KCTD2: variants seen among roughly 807,000 people sequenced by gnomAD.
The protein encoded by KCTD2 is BTB/POZ domain-containing protein KCTD2.
Under a neutral mutation model 27.9 loss-of-function variants are expected in KCTD2, and 18 were observed. That is an observed-to-expected ratio of 0.64 (90% confidence interval 0.45 to 0.96). The LOEUF (loss-of-function observed/expected upper bound fraction) is 0.96. KCTD2 is among the 40% of genes least tolerant of loss of function. The pLI is 0.00. For missense variants in KCTD2, 280 were observed against 348.0 expected (o/e 0.80, Z 1.56); for synonymous variants, 175 against 148.4 (o/e 1.18, Z -1.30).
rs1719610798 is a variant in KCTD2 at position 75,033,261 on chromosome 17, G to A, written c.-470+537G>A. Among the ~76,000 whole-genome samples, 3 of 152,234 alleles carry A rather than the reference G, an allele frequency of 2.0e-5. No homozygotes were observed. In the South Asian group the frequency reaches 6.2e-4, roughly 32 times the overall value. The stretch of plus-strand genomic sequence containing the variant: ...TGGGATGCTGGGATTACAGGCGTGA[G>A]CCACCGCACCCGGTCTGTAGCCTTT... On this transcript the variant is annotated intron_variant, in intron 1 of 7. Transcript: ENST00000581589.
chr17:75,035,165 G>A (rs1349030339), intron 2 of KCTD2: 7 of 152,208 alleles, frequency 4.6e-5, no homozygotes, highest in African/African-American at 7.2e-5. Flanking sequence ...AAGATTGAGG[G>A]TTCGAGTCCC....
intron 3 of KCTD2, chr17:75,040,171 C>T (rs1329268585): frequency 1.2e-6 from 2 of 1,611,256 alleles, no homozygotes; most frequent in Non-Finnish European, 1.7e-6. Context: ...AAACTACAAA[C>T]ACAAGGGCAC....
intron 3 of KCTD2, among the ~76,000 whole-genome samples, chr17:75,037,718 G>GT (rs2073117637): frequency 6.6e-6 from 1 of 152,140 alleles, no homozygotes; most frequent in Non-Finnish European, 1.5e-5. Context: ...GCTAACCATA[G>GT]TAAATAGTGG....
intron 1 of KCTD2, among the ~76,000 whole-genome samples, chr17:75,033,635 C>G (rs771729863): frequency 6.6e-6 from 1 of 152,220 alleles, no homozygotes; most frequent in Non-Finnish European, 1.5e-5. Flanking sequence ...AAACCTCAGT[C>G]TTCATACCCC....
At chr17:75,042,317 G>C (rs1263582608), upstream of KCTD2, 4 of 1,599,436 alleles carry the variant, frequency 2.5e-6, no homozygotes, top group South Asian at 4.5e-5. Context: ...TTGTTCATAA[G>C]CAGTAGAAAA....
At chr17:75,061,313 T>C (rs2073402097) in intron 4 of KCTD2, among the ~76,000 whole-genome samples, 1 of 152,210 alleles carries the variant, frequency 6.6e-6, no homozygotes, top group South Asian at 2.1e-4. Context: ...ATTTCCTCTT[T>C]AGAATTAAAT....
At chr17:75,051,646 A>G (rs1297245872) in intron 2 of KCTD2, among the ~76,000 whole-genome samples, 1 of 145,810 alleles carries the variant, frequency 6.9e-6, no homozygotes, top group African/African-American at 2.6e-5. Context: ...CCCTACCCCC[A>G]TCCTCTTGCC....
intron 1 of KCTD2, among the ~76,000 whole-genome samples, chr17:75,048,236 G>A (rs931959956): frequency 6.6e-6 from 1 of 152,152 alleles, no homozygotes; most frequent in Admixed American, 6.5e-5. Flanking sequence ...AAATTTTCCC[G>A]GGAAAATTTT....
At chr17:75,042,434 A>C (rs1159678185), upstream of KCTD2, 9 of 1,543,168 alleles carry the variant, frequency 5.8e-6, no homozygotes, top group Non-Finnish European at 7.9e-6. Flanking sequence ...ATATGTTGTC[A>C]TAAGGGCATC....
chr17:75,045,548 C>A (rs1016293867), upstream of KCTD2, among the ~76,000 whole-genome samples: 4 of 152,238 alleles, frequency 2.6e-5, no homozygotes, highest in African/African-American at 9.6e-5. Context: ...CATTCTCTTT[C>A]TCAGGGATAT....
intron 2 of KCTD2, chr17:75,035,109 C>G (rs574827273): frequency 1.3e-5 from 2 of 152,192 alleles, no homozygotes; most frequent in East Asian, 2.0e-4. Flanking sequence ...TAGCTGCAGC[C>G]GGAGACCGCG....
At chr17:75,044,772 A>G (rs1303940806), upstream of KCTD2, among the ~76,000 whole-genome samples, 1 of 152,232 alleles carries the variant, frequency 6.6e-6, no homozygotes, top group East Asian at 1.9e-4. Context: ...CAGATATTAA[A>G]AGACTGCAAA....
intron 3 of KCTD2, chr17:75,041,351 A>G (rs1342838552): frequency 2.2e-5 from 3 of 133,710 alleles, no homozygotes; most frequent in Non-Finnish European, 4.8e-5. Context: ...TGAGACTCCA[A>G]CTCAAAAAAA....
rs537653436 is a variant in KCTD2 at position 75,064,930 on chromosome 17, G to A, written c.*1883G>A. On this transcript the variant is annotated 3_prime_UTR_variant, in exon 6 of 6. Transcript: ENST00000322444. ...ACAGAGGAAAAGCAGCTTGGTTTGC[G>A]GCCTTGTGCCCAGTCTCGTTGAGGC... 2 of 152,296 alleles carry A rather than the reference G, an allele frequency of 1.3e-5. No individual in the cohort carries two copies. The highest frequency in any genetic ancestry group is 1.9e-4 in the East Asian group (1 of 5,180). 9.4% of individuals were successfully genotyped at this position (152,296 alleles called of 1,614,324 possible).
chr17:75,039,159 C>T (rs773900989), intron 3 of KCTD2: 3 of 1,612,298 alleles, frequency 1.9e-6, no homozygotes, highest in Non-Finnish European at 2.5e-6. Context: ...GATGTGTGGT[C>T]ATGAAAGAGA....
In KCTD2 at chr17:75,047,370, G is replaced by A; in HGVS notation, c.120G>A (p.Thr40=). Reference sequence around the variant, plus strand: ...CCAGCCCACGCCCGGCTGGCCCCACGCCCCGCGGGCACGGCCGCCCGGCTG... The same window carrying A: ...CCAGCCCACGCCCGGCTGGCCCCACACCCCGCGGGCACGGCCGCCCGGCTG... ...GPPSPRPAGP[T]PRGHGRPAAA... The change falls in exon 1 of 6, where the codon ACG becomes ACA. Residue 40 remains threonine (T), a synonymous_variant. Transcript: ENST00000322444. The A allele has an allele frequency of 8.9e-7, 1 of 1,127,722 alleles. No individual in the cohort carries two copies. Among genetic ancestry groups the A allele is most frequent in the Non-Finnish European group, 1.1e-6 (1 of 922,444 alleles). The allele number at this position is 1,127,722 out of a possible 1,614,324, so 69.9% of individuals were successfully genotyped here.
chr17:75,034,516 T>C (rs752207938), intron 2 of KCTD2, among the ~76,000 whole-genome samples: 18 of 152,246 alleles, frequency 1.2e-4, no homozygotes, highest in Admixed American at 2.6e-4. Flanking sequence ...GGTAAGACGC[T>C]AAACCCACGT....
At chr17:75,045,533 G>A (rs907787575), upstream of KCTD2, among the ~76,000 whole-genome samples, 3 of 152,234 alleles carry the variant, frequency 2.0e-5, no homozygotes, top group African/African-American at 7.2e-5. Context: ...CTACCCCTAG[G>A]TGCGCATTCT....
intron 3 of KCTD2, among the ~76,000 whole-genome samples, chr17:75,037,892 A>G (rs908653550): frequency 4.6e-5 from 7 of 151,842 alleles, no homozygotes; most frequent in African/African-American, 1.7e-4. Flanking sequence ...TACTAAAAAT[A>G]AAACAAATTA....
Sources: allele counts gnomAD v4.1 joint callset (sites outside exome capture counted in the v4.1 genomes callset), GRCh38; gene constraint gnomAD v4.1.1; transcripts MANE v1.5; gene names NCBI Gene and HGNC (gene_info 2026-07-23, HGNC 2026-07-21).